ITFG1: variants seen among roughly 807,000 people sequenced by gnomAD.
ITFG1 encodes integrin alpha FG-GAP repeat containing 1, also known as T-cell immunomodulatory protein.
A neutral mutation model predicts 81.8 loss-of-function variants in ITFG1; 34 were observed. The observed-to-expected ratio is 0.42, with a 90% confidence interval of 0.32 to 0.55. The LOEUF (loss-of-function observed/expected upper bound fraction) is 0.55. Among genes scored for constraint, ITFG1 ranks in the 20% least tolerant of loss-of-function variants. ITFG1 has a pLI of 0.17. For synonymous variants in ITFG1, 285 were observed against 270.6 expected (o/e 1.05, Z -0.52); for missense variants, 672 against 755.4 (o/e 0.89, Z 1.29).
chr16:47,309,105 G>A (rs554845518), intron 10 of ITFG1, among the ~76,000 whole-genome samples: 7 of 134,494 alleles, frequency 5.2e-5, no homozygotes, highest in Admixed American at 2.5e-4. Context: ...GTCTTGCTCT[G>A]TCGCCCAGGC....
At chr16:47,307,576 T>C (rs1967190166) in intron 10 of ITFG1, among the ~76,000 whole-genome samples, 1 of 152,232 alleles carries the variant, frequency 6.6e-6, no homozygotes, top group Non-Finnish European at 1.5e-5. Context: ...TATGAGGTCT[T>C]CTTCAATAAT....
intron 8 of ITFG1, among the ~76,000 whole-genome samples, chr16:47,314,606 T>C (rs541197805): frequency 6.6e-6 from 1 of 152,336 alleles, no homozygotes; most frequent in Admixed American, 6.5e-5. Flanking sequence ...CTGACATTAC[T>C]GAGGTGTCAG....
intron 6 of ITFG1, among the ~76,000 whole-genome samples, chr16:47,400,503 C>T (rs1968647584): frequency 6.6e-6 from 1 of 151,774 alleles, no homozygotes; most frequent in South Asian, 2.1e-4. Context: ...TAGACACCAG[C>T]ATTGTGTCAG....
intron 10 of ITFG1, among the ~76,000 whole-genome samples, chr16:47,304,597 T>C (rs1967128583): frequency 6.6e-6 from 1 of 152,244 alleles, no homozygotes. Flanking sequence ...TCTCCATTTG[T>C]GTTTTATTTC....
At chr16:47,454,349 G>T (rs12930708) in intron 2 of ITFG1, among the ~76,000 whole-genome samples, 191 bp from the exon 3 acceptor site, 11,821 of 152,194 alleles carry the variant, frequency 0.078, 611 homozygotes, top group Non-Finnish European at 0.11. Context: ...AGTTCAGAAT[G>T]AATGCAGAAT....
At chr16:47,325,426 A>AG (rs1967521032) in intron 8 of ITFG1, among the ~76,000 whole-genome samples, 1 of 152,112 alleles carries the variant, frequency 6.6e-6, no homozygotes, top group Non-Finnish European at 1.5e-5. Context: ...TAGAGAAGCA[A>AG]AGCAAACACA....
intron 7 of ITFG1, among the ~76,000 whole-genome samples, chr16:47,370,858 G>A (rs1968244554): frequency 6.6e-6 from 1 of 152,212 alleles, no homozygotes; most frequent in South Asian, 2.1e-4. Context: ...GAGGTCTCTA[G>A]CTGGCGAAGT....
intron 8 of ITFG1, among the ~76,000 whole-genome samples, chr16:47,318,345 T>C (rs1320373354): frequency 2.0e-5 from 3 of 152,220 alleles, no homozygotes; most frequent in Admixed American, 6.5e-5. Context: ...ATAGAGAATA[T>C]AGTATTACAT....
intron 12 of ITFG1, among the ~76,000 whole-genome samples, chr16:47,257,935 G>A (rs1438293959): frequency 6.6e-6 from 1 of 152,192 alleles, no homozygotes; most frequent in East Asian, 1.9e-4. Flanking sequence ...GTCAATTGAT[G>A]GAAATAGAGA....
chr16:47,441,216 C>G (rs1969244979), intron 5 of ITFG1, among the ~76,000 whole-genome samples: 2 of 152,252 alleles, frequency 1.3e-5, no homozygotes, highest in South Asian at 2.1e-4. Flanking sequence ...AAGTCCAGGA[C>G]CAGATGGATT....
intron 8 of ITFG1, among the ~76,000 whole-genome samples, chr16:47,352,122 C>T (rs1190350035): frequency 6.6e-6 from 1 of 152,160 alleles, no homozygotes; most frequent in Non-Finnish European, 1.5e-5. Flanking sequence ...AAAACCTAGA[C>T]AATACCATTC....
intron 8 of ITFG1, among the ~76,000 whole-genome samples, chr16:47,340,739 T>A (rs1309130800): frequency 6.6e-6 from 1 of 152,056 alleles, no homozygotes; most frequent in Admixed American, 6.5e-5. Flanking sequence ...GAATGAATTT[T>A]AAAAAAACAT....
intron 14 of ITFG1, among the ~76,000 whole-genome samples, chr16:47,210,353 C>T (rs1965548363): frequency 6.6e-6 from 1 of 152,210 alleles, no homozygotes; most frequent in East Asian, 1.9e-4. Context: ...AGTGAAATGT[C>T]TCTTCATGTC....
chr16:47,293,667 T>G (rs1020346995), intron 10 of ITFG1, among the ~76,000 whole-genome samples: 1 of 152,138 alleles, frequency 6.6e-6, no homozygotes, highest in African/African-American at 2.4e-5. Context: ...AAATGTCTAC[T>G]TGAGTCCTTT....
At chr16:47,414,049 G>A (rs1007400325) in intron 6 of ITFG1, among the ~76,000 whole-genome samples, 1 of 151,470 alleles carries the variant, frequency 6.6e-6, no homozygotes. Context: ...TCGAACTCCT[G>A]ACCTCAGTTG....
chr16:47,310,317 A>G (rs2151563973), intron 10 of ITFG1, among the ~76,000 whole-genome samples: 1 of 152,324 alleles, frequency 6.6e-6, no homozygotes, highest in South Asian at 2.1e-4. Flanking sequence ...GTTTTGTATC[A>G]TGAGCCTGGT....
chr16:47,389,470 C>G (rs1016532061), intron 6 of ITFG1, among the ~76,000 whole-genome samples: 2 of 151,914 alleles, frequency 1.3e-5, no homozygotes, highest in Non-Finnish European at 2.9e-5. Flanking sequence ...CAGATGGTAA[C>G]TTGAATTCAC....
At chr16:47,261,721 G>C (rs1283435462) in intron 10 of ITFG1, among the ~76,000 whole-genome samples, 1 of 152,066 alleles carries the variant, frequency 6.6e-6, no homozygotes, top group African/African-American at 2.4e-5. Context: ...CACCCAGCTG[G>C]AGTGCAGTGG....
chr16:47,373,058 ATTAC>A (rs1403980203), intron 7 of ITFG1, among the ~76,000 whole-genome samples: 1 of 152,174 alleles, frequency 6.6e-6, no homozygotes, highest in East Asian at 1.9e-4. Context: ...AAGAGATCAT[ATTAC>A]TTAGTTTAGA....
Sources: gnomAD v4.1 joint callset for allele counts (sites outside exome capture counted in the v4.1 genomes callset) on GRCh38, gnomAD v4.1.1 for gene constraint, MANE v1.5 for transcripts, NCBI Gene and HGNC (gene_info 2026-07-23, HGNC 2026-07-21) for gene names.